LPGAT1: variants seen among roughly 807,000 people sequenced by gnomAD.
The protein encoded by LPGAT1 is lysophosphatidylglycerol acyltransferase 1.
A neutral mutation model predicts 47.5 loss-of-function variants in LPGAT1; 11 were observed. The ratio of observed to expected loss-of-function variants is 0.23; its 90% CI spans 0.15 to 0.38. LPGAT1 has a LOEUF of 0.38. Among genes scored for constraint, LPGAT1 ranks in the 10% least tolerant of loss-of-function variants. The pLI, the probability that LPGAT1 is intolerant of heterozygous loss-of-function variation, is 1.00. For synonymous variants in LPGAT1, 138 were observed against 144.2 expected (o/e 0.96, Z 0.31); for missense variants, 293 against 439.0 (o/e 0.67, Z 2.97).
chr1:211,830,239 G>T lies in LPGAT1; in HGVS notation c.-28+334C>A. On this transcript the variant is annotated intron_variant, in intron 1 of 7. Coordinates refer to ENST00000366997, the MANE Select transcript of LPGAT1 (RefSeq NM_014873.3). This position sits in a 1 kb window ranked among gnomAD's most constrained non-coding sequence, Gnocchi z 5.9. The stretch of plus-strand genomic sequence containing the variant: ...AGAGCGGGGGCGGGTGTCCCCCGCC[G>T]AGGGGTCGCGGTCATGGACGCGGTG... 1.0e-6 allele frequency: 1 copy of T among 987,200 alleles called. No individual in the cohort carries two copies. The highest frequency in any genetic ancestry group is 1.2e-6 in the Non-Finnish European group (1 of 831,834). The allele number at this position is 987,200 out of a possible 1,614,324, so 61.2% of individuals were successfully genotyped here.
intron 2 of LPGAT1, among the ~76,000 whole-genome samples, chr1:211,818,383 G>C (rs1419147682): frequency 6.6e-6 from 1 of 152,154 alleles, no homozygotes; most frequent in South Asian, 2.1e-4. Context: ...CCAGCAAATC[G>C]TTACTATGCA....
intron 2 of LPGAT1, among the ~76,000 whole-genome samples, chr1:211,816,846 T>C (rs1301191386): frequency 6.6e-6 from 1 of 152,218 alleles, no homozygotes; most frequent in Non-Finnish European, 1.5e-5. Context: ...TCCAACCTCA[T>C]ACTAGCTCAA....
chr1:211,822,575 G>A (rs755845735), intron 2 of LPGAT1, among the ~76,000 whole-genome samples: 92 of 152,116 alleles, frequency 6.0e-4, no homozygotes, highest in Non-Finnish European at 2.1e-4. Flanking sequence ...TCAGGAGTTC[G>A]AGACCAGCCT....
intron 2 of LPGAT1, among the ~76,000 whole-genome samples, chr1:211,812,198 A>G (rs1660014126): frequency 6.6e-6 from 1 of 152,254 alleles, no homozygotes; most frequent in Non-Finnish European, 1.5e-5. Context: ...CTACTGCAGA[A>G]TGAAGTAAAA....
chr1:211,787,021 C>CT (rs1240745897), intron 4 of LPGAT1, among the ~76,000 whole-genome samples: 1 of 144,486 alleles, frequency 6.9e-6, no homozygotes, highest in Non-Finnish European at 1.6e-5. Context: ...AATAATTTGC[C>CT]CAATTCACAT....
At chr1:211,823,571 C>T (rs568071939) in intron 2 of LPGAT1, among the ~76,000 whole-genome samples, 2 of 152,166 alleles carry the variant, frequency 1.3e-5, no homozygotes, top group Admixed American at 1.3e-4. Flanking sequence ...TCACTGATTA[C>T]GTCTTGTGCC....
intron 6 of LPGAT1, among the ~76,000 whole-genome samples, chr1:211,770,600 A>G (rs1658124147): frequency 6.6e-6 from 1 of 152,180 alleles, no homozygotes; most frequent in African/African-American, 2.4e-5. Context: ...TTGCCTAGTG[A>G]TGTCATAGTC....
intron 5 of LPGAT1, among the ~76,000 whole-genome samples, chr1:211,780,817 A>G (rs943052202): frequency 9.2e-5 from 14 of 152,218 alleles, no homozygotes; most frequent in Admixed American, 1.3e-4. Context: ...ATTAATGGAT[A>G]GATAGAAGGA....
At chr1:211,809,704 G>A (rs563956353) in intron 2 of LPGAT1, among the ~76,000 whole-genome samples, 5 of 152,050 alleles carry the variant, frequency 3.3e-5, no homozygotes, top group Non-Finnish European at 5.9e-5. Context: ...CTTGCCTGCC[G>A]CCATGTAAGA....
chr1:211,750,471 C>G (rs1223244218), intron 7 of LPGAT1, among the ~76,000 whole-genome samples: 1 of 152,192 alleles, frequency 6.6e-6, no homozygotes, highest in Non-Finnish European at 1.5e-5. Flanking sequence ...GCTGCCTTGT[C>G]TCTGCTGGAT....
chr1:211,802,303 G>T (rs1659605868), intron 2 of LPGAT1, among the ~76,000 whole-genome samples: 1 of 151,900 alleles, frequency 6.6e-6, no homozygotes, highest in Admixed American at 6.6e-5. Flanking sequence ...TACGAAACCT[G>T]AGGGCAGAGG....
Position 211,808,787 on chromosome 1 carries a change from C to T in LPGAT1, c.239-15597G>A, listed in dbSNP as rs1050779956. ...GGCCAAACAGTAAATATCTTTTTTC[C>T]TCCAGATCAAAGTAATAATGGGAGG... On this transcript the variant is annotated intron_variant, in intron 2 of 7. Transcript: ENST00000366997. 4.6e-5 allele frequency among the ~76,000 whole-genome samples: 7 copies of T among 152,090 alleles called. 1 individual carries two copies. Among genetic ancestry groups the T allele is most frequent in the Admixed American group, 1.3e-4 (2 of 15,274 alleles).
At chr1:211,806,677 A>AG (rs1217539639) in intron 2 of LPGAT1, among the ~76,000 whole-genome samples, 1 of 152,208 alleles carries the variant, frequency 6.6e-6, no homozygotes, top group Non-Finnish European at 1.5e-5. Context: ...TAACAAATAA[A>AG]ATTTTTTTAA....
Position 211,782,214 on chromosome 1 carries a change from G to A in LPGAT1, c.727+1015C>T, listed in dbSNP as rs185693491. On this transcript the variant is annotated intron_variant, in intron 5 of 7. Coordinates refer to ENST00000366997, the MANE Select transcript of LPGAT1 (RefSeq NM_014873.3). ...ATTTGTAACAGCTGTGTTGTATTCC[G>A]TTGTATGGATATTTGATAATTACTA... 8.5e-5 allele frequency among the ~76,000 whole-genome samples: 13 copies of A among 152,192 alleles called. No homozygotes were observed. The East Asian group carries it at 2.3e-3, about 27-fold the overall frequency.
intron 5 of LPGAT1, among the ~76,000 whole-genome samples, chr1:211,782,366 G>T (rs1658678562): frequency 6.6e-6 from 1 of 152,058 alleles, no homozygotes; most frequent in African/African-American, 2.4e-5. Flanking sequence ...TATTTGCAGT[G>T]GAATAACTGA....
Position 211,829,271 on chromosome 1 carries a change from G to C in LPGAT1, c.26C>G (p.Pro9Arg), listed in dbSNP as rs113169620. ...TTTCACCAAGAGCCAGCCCAGCCAC[G>C]GAGCTTCTTCCAAAGTTATAGCCAT... is the stretch of plus-strand genomic sequence containing the variant. Reference protein sequence around the residue: MAITLEEAPWLGWLLVKAL... With the variant: MAITLEEARWLGWLLVKAL... The change falls in exon 2 of 8, where the codon CCG becomes CGG. Residue 9 changes from proline (P) to arginine (R), a missense_variant. Pro to Arg is a moderately radical substitution (Grantham distance 103, BLOSUM62 -2). Transcript: ENST00000366997. 4 of 1,614,010 alleles carry C rather than the reference G, an allele frequency of 2.5e-6. No homozygotes were observed. Among genetic ancestry groups the C allele is most frequent in the African/African-American group, 2.7e-5 (2 of 74,894 alleles).
chr1:211,802,535 C>T (rs1659615952), intron 2 of LPGAT1, among the ~76,000 whole-genome samples: 1 of 151,732 alleles, frequency 6.6e-6, no homozygotes, highest in South Asian at 2.1e-4. Flanking sequence ...AAAGGACCTG[C>T]TGGAAATTAA....
At chr1:211,814,807 T>C (rs1660112673) in intron 2 of LPGAT1, among the ~76,000 whole-genome samples, 1 of 152,240 alleles carries the variant, frequency 6.6e-6, no homozygotes, top group Non-Finnish European at 1.5e-5. Context: ...CTCCCATTCA[T>C]CATTCATCTT....
Position 211,751,044 on chromosome 1 carries a change from G to C in LPGAT1, c.878C>G (p.Pro293Arg), listed in dbSNP as rs781678664. The C allele has an allele frequency of 6.2e-7, 1 of 1,612,080 alleles. No individual in the cohort carries two copies. The highest frequency in any genetic ancestry group is 1.1e-5 in the South Asian group (1 of 90,792). Residue 293 changes from proline to arginine, a missense_variant, in exon 7 of 8, where the codon CCC becomes CGC. By Grantham distance (103) the Pro-to-Arg change is moderately radical (BLOSUM62 -2). Transcript: ENST00000366997. ...AGTGGTAAGGTCATCAGTCTCCAGG[G>C]GTACATCTTTAATTGGAAAGATCCT... ...HYRIFPIKDV[P>R]LETDDLTTWL... is the part of the protein sequence containing the mutation.
Sources: gnomAD v4.1 joint callset for allele counts (sites outside exome capture counted in the v4.1 genomes callset) on GRCh38, gnomAD v4.1.1 for gene constraint, Gnocchi (gnomAD v3.1) non-coding constraint, MANE v1.5 for transcripts, NCBI Gene and HGNC (gene_info 2026-07-23, HGNC 2026-07-21) for gene names.